The following ACBD6 variants were observed in gnomAD, a reference collection of about 807,000 sequenced individuals.
ACBD6 encodes the protein acyl-CoA binding domain containing 6, also known as acyl-CoA-binding domain-containing protein 6.
A neutral mutation model predicts 37.2 loss-of-function variants in ACBD6; 28 were observed. The observed-to-expected ratio is 0.75, with a 90% CI of 0.56 to 1.03. The LOEUF (loss-of-function observed/expected upper bound fraction) is 1.03. ACBD6 is among the 50% of genes least tolerant of loss of function. ACBD6 has a pLI of 0.00. For missense variants in ACBD6, 340 were observed against 337.4 expected (o/e 1.01, Z -0.06); for synonymous variants, 113 against 126.8 (o/e 0.89, Z 0.73).
chr1:180,454,676 C>T (rs984656181), intron 3 of ACBD6, among the ~76,000 whole-genome samples: 1 of 151,704 alleles, frequency 6.6e-6, no homozygotes, highest in African/African-American at 2.4e-5. Context: ...AACAAATTTA[C>T]AAGAAAAAAA....
intron 6 of ACBD6, among the ~76,000 whole-genome samples, chr1:180,329,464 C>T (rs1651392873): frequency 6.6e-6 from 1 of 152,136 alleles, no homozygotes; most frequent in Non-Finnish European, 1.5e-5. Flanking sequence ...AAGCAAGTTC[C>T]TCAAGCTGTG....
At chr1:180,493,265 A>C (rs1395493327) in intron 2 of ACBD6, among the ~76,000 whole-genome samples, 3 of 141,552 alleles carry the variant, frequency 2.1e-5, no homozygotes, top group African/African-American at 5.8e-5. Context: ...AAAAAAAAAA[A>C]AAAAAAAAAA....
At chr1:180,344,410 G>GTATT (rs779941951) in intron 6 of ACBD6, among the ~76,000 whole-genome samples, 12 of 152,134 alleles carry the variant, frequency 7.9e-5, no homozygotes, top group Non-Finnish European at 1.8e-4. Context: ...AACACCCATG[G>GTATT]TATAGTAAAA....
At chr1:180,469,730 T>C (rs1650483513) in intron 3 of ACBD6, among the ~76,000 whole-genome samples, 1 of 152,234 alleles carries the variant, frequency 6.6e-6, no homozygotes, top group South Asian at 2.1e-4. Flanking sequence ...CCTGGTCATT[T>C]ATTCACCATA....
chr1:180,448,668 C>G (rs1649573697), intron 3 of ACBD6, among the ~76,000 whole-genome samples: 2 of 152,146 alleles, frequency 1.3e-5, no homozygotes, highest in Admixed American at 6.6e-5. Context: ...CTCTTGTACT[C>G]AGCCATGAAT....
chr1:180,396,977 A>G (rs1247659908), intron 6 of ACBD6, among the ~76,000 whole-genome samples: 1 of 152,230 alleles, frequency 6.6e-6, no homozygotes. Context: ...ACAGGTATTC[A>G]AATAAAAATA....
intron 3 of ACBD6, among the ~76,000 whole-genome samples, chr1:180,483,592 C>T (rs1651142213): frequency 6.6e-6 from 1 of 152,020 alleles, no homozygotes; most frequent in South Asian, 2.1e-4. Context: ...ATCAATAATA[C>T]CTTAATACAT....
chr1:180,392,705 A>C, intron 6 of ACBD6, among the ~76,000 whole-genome samples: 1 of 149,156 alleles, frequency 6.7e-6, no homozygotes. Context: ...CCCTCCCCAC[A>C]CAGATACATA....
intron 6 of ACBD6, among the ~76,000 whole-genome samples, chr1:180,397,305 T>A (rs558190277): frequency 2.0e-5 from 3 of 152,056 alleles, no homozygotes; most frequent in Admixed American, 6.6e-5. Flanking sequence ...ATAAAAAAAA[T>A]GTTAAAAAGT....
At chr1:180,473,122 A>G (rs941508017) in intron 3 of ACBD6, among the ~76,000 whole-genome samples, 3 of 152,348 alleles carry the variant, frequency 2.0e-5, no homozygotes, top group Admixed American at 6.5e-5. Context: ...TAAATATTAG[A>G]TATTTTAAAC....
intron 8 of ACBD6, among the ~76,000 whole-genome samples, chr1:180,282,870 G>A (rs1388912930): frequency 6.6e-6 from 1 of 152,012 alleles, no homozygotes; most frequent in Non-Finnish European, 1.5e-5. Flanking sequence ...TTTCTGTATC[G>A]GTAGTTAAAG....
rs574625055 is a variant in ACBD6 at position 180,334,265 on chromosome 1, C to G, written c.664-19543G>C. 3.9e-5 allele frequency among the ~76,000 whole-genome samples: 6 copies of G among 152,310 alleles called. No homozygotes were observed. In the South Asian group the frequency reaches 1.0e-3, roughly 26 times the overall value. On this transcript the variant is annotated intron_variant, in intron 6 of 7. Coordinates refer to ENST00000367595, the MANE Select transcript of ACBD6 (RefSeq NM_032360.4). The stretch of plus-strand genomic sequence containing the variant: ...AGTAGCCTAACTAGGAGGCACCCCC[C>G]AGCAGGGGCAGATTGACACCTCACA...
intron 9 of ACBD6, chr1:180,278,353 G>C (rs1649167307): frequency 6.6e-6 from 1 of 151,908 alleles, no homozygotes; most frequent in African/African-American, 2.4e-5. Flanking sequence ...TTCTTTCTTG[G>C]ATTGGTCAAT....
chr1:180,309,217 G>T (rs1166508095), intron 7 of ACBD6, among the ~76,000 whole-genome samples: 1 of 152,050 alleles, frequency 6.6e-6, no homozygotes, highest in African/African-American at 2.4e-5. Flanking sequence ...TAACCTTTTT[G>T]TTCAACAATA....
chr1:180,424,016 A>T (rs188550578), intron 4 of ACBD6, among the ~76,000 whole-genome samples: 5 of 152,296 alleles, frequency 3.3e-5, no homozygotes, highest in Non-Finnish European at 1.5e-5. Flanking sequence ...TAAAACATTA[A>T]ATGGAAAAGA....
At chr1:180,433,030 A>G (rs1187615241) in intron 3 of ACBD6, among the ~76,000 whole-genome samples, 1 of 152,168 alleles carries the variant, frequency 6.6e-6, no homozygotes, top group African/African-American at 2.4e-5. Context: ...ATAATTAAAG[A>G]AAAGGGAACA....
At chr1:180,412,087 C>G (rs1647882761) in intron 5 of ACBD6, among the ~76,000 whole-genome samples, 1 of 150,326 alleles carries the variant, frequency 6.7e-6, no homozygotes. Flanking sequence ...CAGAGGTATG[C>G]CTGTATTTTG....
chr1:180,476,951 T>TC (rs1167201282), intron 3 of ACBD6, among the ~76,000 whole-genome samples: 1 of 152,110 alleles, frequency 6.6e-6, no homozygotes, highest in Non-Finnish European at 1.5e-5. Context: ...ATTAACCAGT[T>TC]CCCCTCTGAA....
chr1:180,495,881 T>C (rs1651718231), intron 1 of ACBD6, among the ~76,000 whole-genome samples: 2 of 152,216 alleles, frequency 1.3e-5, no homozygotes, highest in South Asian at 4.1e-4. Flanking sequence ...GAATTTTTAA[T>C]ATGAAATTAA....
Sources: gnomAD v4.1 joint callset for allele counts (sites outside exome capture counted in the v4.1 genomes callset) on GRCh38, gnomAD v4.1.1 for gene constraint, MANE v1.5 for transcripts, NCBI Gene and HGNC (gene_info 2026-07-23, HGNC 2026-07-21) for gene names.